FBN2: variants seen among roughly 807,000 people sequenced by gnomAD.
FBN2 encodes the protein fibrillin-2.
Under a neutral mutation model 355.6 loss-of-function variants are expected in FBN2, and 105 were observed. The observed-to-expected ratio is 0.30, with a 90% CI of 0.25 to 0.35. The LOEUF (loss-of-function observed/expected upper bound fraction) is 0.35. FBN2 is among the 10% of genes least tolerant of loss of function. The pLI is 1.00. For synonymous variants in FBN2, 1,350 were observed against 1,301.2 expected (o/e 1.04, Z -0.81); for missense variants, 3,280 against 3,758.7 (o/e 0.87, Z 3.33).
intron 48 of FBN2, among the ~76,000 whole-genome samples, chr5:128,296,626 G>T (rs1749522020): frequency 6.6e-6 from 1 of 152,132 alleles, no homozygotes; most frequent in African/African-American, 2.4e-5. Flanking sequence ...TATTTGTGTA[G>T]AGGTGTTTGT....
At chr5:128,479,792 T>C (rs1755103717) in intron 5 of FBN2, among the ~76,000 whole-genome samples, 1 of 151,408 alleles carries the variant, frequency 6.6e-6, no homozygotes, top group Non-Finnish European at 1.5e-5. Flanking sequence ...CTGGGCATGG[T>C]AGAATGTGCC....
chr5:128,456,827 C>A (rs1053979389), intron 6 of FBN2, among the ~76,000 whole-genome samples: 1 of 152,048 alleles, frequency 6.6e-6, no homozygotes, highest in African/African-American at 2.4e-5. Context: ...AGAAACTAGA[C>A]AAACACACAA....
rs1554067080 is a variant in FBN2 at position 128,408,699 on chromosome 5, G to A, written c.1053C>T (p.Thr351=). The part of the protein sequence containing the change: ...YFCVCPRGYV[T]STDGSRCIDQ... Reference sequence around the variant, plus strand: ...CGATGCATCGAGAGCCATCTGTTGAGGTTACATATCCACGTGGACAAACAC... The same window carrying A: ...CGATGCATCGAGAGCCATCTGTTGAAGTTACATATCCACGTGGACAAACAC... Residue 351 remains threonine (T), a synonymous_variant, in exon 8 of 65, where the codon ACC becomes ACT. Coordinates refer to ENST00000262464, the MANE Select transcript of FBN2 (RefSeq NM_001999.4). 3.7e-6 allele frequency: 6 copies of A among 1,613,980 alleles called. No individual in the cohort carries two copies. The highest frequency in any genetic ancestry group is 4.2e-6 in the Non-Finnish European group (5 of 1,179,926).
chr5:128,345,311 T>TTCC, intron 24 of FBN2, 46 bp downstream of exon 24: 1 of 1,446,638 alleles, frequency 6.9e-7, no homozygotes, highest in Non-Finnish European at 9.7e-7. Context: ...TGTGGAAGGC[T>TTCC]TCCTGTTGGT....
chr5:128,373,644 G>A (rs528530003), intron 15 of FBN2, among the ~76,000 whole-genome samples: 2 of 152,130 alleles, frequency 1.3e-5, no homozygotes, highest in Non-Finnish European at 2.9e-5. Flanking sequence ...CACCCTAGAA[G>A]CCTCATGAAA....
chr5:128,449,471 TTA>T (rs1754178061), intron 6 of FBN2, among the ~76,000 whole-genome samples: 1 of 146,650 alleles, frequency 6.8e-6, no homozygotes, highest in African/African-American at 2.5e-5. Context: ...TAGTATACTA[TTA>T]AACTATGGCA....
chr5:128,483,869 T>C (rs1469652501), intron 5 of FBN2, among the ~76,000 whole-genome samples: 1 of 152,110 alleles, frequency 6.6e-6, no homozygotes, highest in East Asian at 1.9e-4. Flanking sequence ...CTTTATAGAG[T>C]AGACAAATCT....
At chr5:128,513,604 A>G (rs1346346367) in intron 5 of FBN2, among the ~76,000 whole-genome samples, 1 of 152,258 alleles carries the variant, frequency 6.6e-6, no homozygotes, top group Non-Finnish European at 1.5e-5. Flanking sequence ...CCAAAAGTTC[A>G]GTCTTATTTT....
Position 128,305,605 on chromosome 5 carries a change from G to C in FBN2, c.5580C>G (p.Leu1860=). 2 of 1,614,034 alleles carry C rather than the reference G, an allele frequency of 1.2e-6. No individual in the cohort carries two copies. Among genetic ancestry groups the C allele is most frequent in the African/African-American group, 1.3e-5 (1 of 75,036 alleles). ...TGATGCAGTCTGCATTCCGCTGGCA[G>C]AGATTATCACCATTGCTGCACTCAT... ...DIDECSNGDN[L]CQRNADCINS... Residue 1860 remains leucine, a synonymous_variant, in exon 44 of 65, where the codon CTC becomes CTG. Transcript: ENST00000262464.
intron 5 of FBN2, among the ~76,000 whole-genome samples, chr5:128,465,607 GC>G (rs1443635440): frequency 5.3e-5 from 8 of 152,138 alleles, no homozygotes; most frequent in Non-Finnish European, 1.2e-4. Context: ...TCTATGGGTA[GC>G]CTAGTTAGGA....
chr5:128,364,449 A>G, intron 18 of FBN2, 151 bp downstream of exon 18: 2 of 800,134 alleles, frequency 2.5e-6, no homozygotes, highest in South Asian at 3.7e-5. Flanking sequence ...AATTTGTTTG[A>G]TTCTGATATT....
At chr5:128,270,682 A>G (rs1765248043) in intron 62 of FBN2, among the ~76,000 whole-genome samples, 1 of 152,230 alleles carries the variant, frequency 6.6e-6, no homozygotes, top group Admixed American at 6.5e-5. Context: ...GCTTCTGCAT[A>G]GCAAAAGAAA....
At chr5:128,531,722 GTATATATA>G (rs778150660) in intron 2 of FBN2, among the ~76,000 whole-genome samples, 3 of 116,838 alleles carry the variant, frequency 2.6e-5, no homozygotes, top group Non-Finnish European at 3.7e-5. Context: ...ATGTATGTGT[GTATATATA>G]TATATATATA....
At chr5:128,394,033 C>T (rs960844597) in intron 9 of FBN2, among the ~76,000 whole-genome samples, 45 of 152,200 alleles carry the variant, frequency 3.0e-4, no homozygotes, top group African/African-American at 1.0e-3. Flanking sequence ...CTGGGAGAAT[C>T]CAAAATTATT....
chr5:128,416,144 G>A (rs1235641410), intron 7 of FBN2, among the ~76,000 whole-genome samples: 2 of 151,686 alleles, frequency 1.3e-5, no homozygotes, highest in Non-Finnish European at 2.9e-5. Flanking sequence ...TCCTGCTTCG[G>A]CCTCCCAAGT....
At chr5:128,301,337 AC>A (rs1561757781) in intron 47 of FBN2, 44 bp downstream of exon 47, 1 of 1,561,616 alleles carries the variant, frequency 6.4e-7, no homozygotes. Flanking sequence ...TCATCATTTT[AC>A]AAAACATAAC....
At chr5:128,424,443 G>T (rs1473144777) in intron 7 of FBN2, among the ~76,000 whole-genome samples, 1 of 152,130 alleles carries the variant, frequency 6.6e-6, no homozygotes, top group African/African-American at 2.4e-5. Flanking sequence ...AGATAGAAAG[G>T]GAAGGATATT....
chr5:128,322,742 T>C (rs141001963), intron 34 of FBN2, among the ~76,000 whole-genome samples: 276 of 152,288 alleles, frequency 1.8e-3, no homozygotes, highest in Non-Finnish European at 3.2e-3. Flanking sequence ...TTGTTCTTTT[T>C]GCTTAGGATT....
At chr5:128,356,253 C>CTGGGAAACGAGGAGTTGGTG (rs1160659482) in intron 20 of FBN2, among the ~76,000 whole-genome samples, 2 of 152,260 alleles carry the variant, frequency 1.3e-5, no homozygotes, top group South Asian at 4.1e-4. Context: ...CTGTACCTCA[C>CTGGGAAACGAGGAGTTGGTG]TGGGAAACGA....
Sources: gnomAD v4.1 joint callset for allele counts (sites outside exome capture counted in the v4.1 genomes callset) on GRCh38, gnomAD v4.1.1 for gene constraint, MANE v1.5 for transcripts, NCBI Gene and HGNC (gene_info 2026-07-23, HGNC 2026-07-21) for gene names.